GRM7: variants seen among roughly 807,000 people sequenced by gnomAD.
GRM7 encodes metabotropic glutamate receptor 7.
A neutral mutation model predicts 84.5 loss-of-function variants in GRM7; 35 were observed. That is an observed-to-expected ratio of 0.41 (90% confidence interval 0.32 to 0.55). The LOEUF (loss-of-function observed/expected upper bound fraction) is 0.55. GRM7 is among the 20% of genes least tolerant of loss of function. GRM7 has a pLI of 0.19. For missense variants in GRM7, 1,003 were observed against 1,194.6 expected (o/e 0.84, Z 2.36); for synonymous variants, 487 against 455.1 (o/e 1.07, Z -0.89).
At chr3:7,299,074 A>T (rs1039581560) in intron 3 of GRM7, among the ~76,000 whole-genome samples, 1 of 152,212 alleles carries the variant, frequency 6.6e-6, no homozygotes, top group African/African-American at 2.4e-5. Context: ...TAGATCTTTT[A>T]AAGGTGCTTT....
chr3:7,492,410 A>G (rs1575413346), intron 7 of GRM7, among the ~76,000 whole-genome samples: 1 of 152,166 alleles, frequency 6.6e-6, no homozygotes, highest in Admixed American at 6.6e-5. Flanking sequence ...CAGTTTGTCT[A>G]CTTAATCTTG....
chr3:7,264,916 A>T (rs9827496), intron 2 of GRM7, among the ~76,000 whole-genome samples: 121,301 of 152,204 alleles, frequency 0.8, 49,061 homozygotes, highest in East Asian at 0.98. Context: ...AGTCAATGAA[A>T]GTTGCATTAC....
chr3:7,380,201 C>T (rs11918763), intron 4 of GRM7, among the ~76,000 whole-genome samples: 2,025 of 152,234 alleles, frequency 0.013, 52 homozygotes, highest in African/African-American at 0.046. Flanking sequence ...TTGAGTGTGT[C>T]TTTCATGAAT....
intron 1 of GRM7, among the ~76,000 whole-genome samples, chr3:7,054,242 C>T (rs963920756): frequency 7.4e-5 from 11 of 149,318 alleles, no homozygotes; most frequent in Admixed American, 1.3e-4. Context: ...CCATTTTAAT[C>T]TTATCTTTTA....
chr3:7,142,747 C>T (rs184837139), intron 1 of GRM7, among the ~76,000 whole-genome samples: 82 of 152,188 alleles, frequency 5.4e-4, no homozygotes, highest in African/African-American at 1.9e-3. Context: ...TAAAATTAAC[C>T]TGTTTTCTTG....
At chr3:7,656,290 A>G (rs1575599339) in intron 8 of GRM7, among the ~76,000 whole-genome samples, 1 of 152,068 alleles carries the variant, frequency 6.6e-6, no homozygotes, top group South Asian at 2.1e-4. Flanking sequence ...AAAGTTCAAG[A>G]CCAGCCTGGC....
intron 9 of GRM7, among the ~76,000 whole-genome samples, chr3:7,734,950 G>C (rs1702455256): frequency 6.6e-6 from 1 of 152,158 alleles, no homozygotes; most frequent in Admixed American, 6.5e-5. Context: ...AGATGTTGAA[G>C]AGAACATCTA....
chr3:7,199,846 G>A (rs951896498), intron 2 of GRM7, among the ~76,000 whole-genome samples: 6 of 152,182 alleles, frequency 3.9e-5, no homozygotes, highest in African/African-American at 1.4e-4. Context: ...TGGGATTCAT[G>A]TCATATATAT....
chr3:7,613,903 G>A (rs1696959248), intron 8 of GRM7, among the ~76,000 whole-genome samples: 1 of 152,176 alleles, frequency 6.6e-6, no homozygotes, highest in Non-Finnish European at 1.5e-5. Context: ...TGGGTCAAAT[G>A]TTAATTTAAA....
intron 8 of GRM7, among the ~76,000 whole-genome samples, chr3:7,656,551 A>ACG (rs1699205324): frequency 7.6e-6 from 1 of 130,908 alleles, no homozygotes; most frequent in Non-Finnish European, 1.6e-5. Context: ...GCGCGCGCAC[A>ACG]CACACACACA....
intron 4 of GRM7, among the ~76,000 whole-genome samples, chr3:7,402,249 C>T (rs1313527699): frequency 3.3e-5 from 5 of 152,136 alleles, no homozygotes; most frequent in Non-Finnish European, 7.4e-5. Context: ...GATAAGGTTA[C>T]GTGCTCACTG....
chr3:6,912,850 GTTA>G (rs887657663), intron 1 of GRM7, among the ~76,000 whole-genome samples: 10 of 152,090 alleles, frequency 6.6e-5, no homozygotes, highest in African/African-American at 2.4e-4. Flanking sequence ...AAAATAGGTT[GTTA>G]TTAAGTGAAT....
At chr3:7,294,586 T>C (rs1254993245) in intron 2 of GRM7, among the ~76,000 whole-genome samples, 10 of 151,292 alleles carry the variant, frequency 6.6e-5, no homozygotes, top group Non-Finnish European at 1.5e-4. Context: ...AGAAAAATGT[T>C]TGGCTAGAAT....
At chr3:6,971,892 G>C (rs1001706833) in intron 1 of GRM7, among the ~76,000 whole-genome samples, 1 of 151,992 alleles carries the variant, frequency 6.6e-6, no homozygotes, top group Non-Finnish European at 1.5e-5. Flanking sequence ...GTAAAGCTTA[G>C]AAATAAATAT....
At chr3:6,879,814 C>T (rs1036803449) in intron 1 of GRM7, among the ~76,000 whole-genome samples, 1 of 152,150 alleles carries the variant, frequency 6.6e-6, no homozygotes, top group Non-Finnish European at 1.5e-5. Context: ...CCTAACTTTC[C>T]TCATGTAACA....
chr3:6,870,906 G>T (rs1049727517), intron 1 of GRM7, among the ~76,000 whole-genome samples: 20 of 152,110 alleles, frequency 1.3e-4, no homozygotes, highest in Admixed American at 4.6e-4. Flanking sequence ...GAGACAGAAG[G>T]TTCCAGAAGT....
Position 7,578,765 on chromosome 3 carries a change from T to C in GRM7, c.1859T>C (p.Ile620Thr), listed in dbSNP as rs1695088797. 2 of 1,613,680 alleles carry C rather than the reference T, an allele frequency of 1.2e-6. No individual in the cohort carries two copies. The highest frequency in any genetic ancestry group is 1.7e-6 in the Non-Finnish European group (2 of 1,179,608). Residue 620 changes from isoleucine to threonine, a missense_variant, in exon 8 of 10, where the codon ATT becomes ACT. This residue lies in a region of GRM7 where 910 missense variants were observed against 1,126.0 expected (regional missense o/e 0.81). Transcript: ENST00000357716. The stretch of plus-strand genomic sequence containing the variant: ...TTCATCCGCTACAATGACACGCCCA[T>C]TGTCCGGGCATCTGGGCGGGAACTC... ...ATFIRYNDTP[I>T]VRASGRELSY...
In GRM7 at chr3:7,659,821, C is replaced by G. The variant is rs183000597; in HGVS notation, c.2452-20228C>G. ...GGATTTTGTTTTCCTATTCTAGTCT[C>G]TTGGGAGCTCATCCCACATTTCCTT... On this transcript the variant is annotated intron_variant, in intron 8 of 9. Transcript: ENST00000357716. 4.1e-4 allele frequency among the ~76,000 whole-genome samples: 62 copies of G among 152,294 alleles called. No homozygotes were observed. In the East Asian group the frequency reaches 0.012, roughly 29 times the overall value.
chr3:7,064,479 T>TATATATATGTATATATATACACACACAC, intron 1 of GRM7, among the ~76,000 whole-genome samples: 1 of 99,382 alleles, frequency 1.0e-5, no homozygotes, highest in Non-Finnish European at 2.1e-5. Flanking sequence ...TATATATATA[T>TATATATATGTATATATATACACACACAC]ACACACATAT....
Sources: allele counts gnomAD v4.1 joint callset (sites outside exome capture counted in the v4.1 genomes callset), GRCh38; gene constraint gnomAD v4.1.1; regional missense constraint gnomAD v4.1.1; transcripts MANE v1.5; gene names NCBI Gene and HGNC (gene_info 2026-07-23, HGNC 2026-07-21).